Variants in SPATA31E1 observed in about 807,000 individuals in gnomAD.
SPATA31E1 encodes the protein SPATA31 subfamily E member 1, also known as spermatogenesis-associated protein 31E1.
SPATA31E1 carries 7 observed loss-of-function variants against 12.9 expected under a neutral mutation model. The observed-to-expected ratio is 0.54, with a 90% confidence interval of 0.31 to 1.02. SPATA31E1 has a LOEUF of 1.02. SPATA31E1 is among the 50% of genes least tolerant of loss of function. The pLI is 0.05. For missense variants in SPATA31E1, 1,961 were observed against 1,799.8 expected, an observed-to-expected ratio of 1.09 and a Z score of -1.62; for synonymous variants, 771 against 719.0, an observed-to-expected ratio of 1.07 and a Z score of -1.16.
Position 87,887,607 on chromosome 9 carries a change from G to A in SPATA31E1, c.3120G>A (p.Glu1040=). The A allele has an allele frequency of 1.9e-6, 3 of 1,614,190 alleles. No homozygotes were observed. Among genetic ancestry groups the A allele is most frequent in the South Asian group, 1.1e-5 (1 of 91,088 alleles). The part of the protein sequence containing the change: ...EDALQALKVG[E]KPPTWEVTLG... ...CCCTGCAGGCACTGAAAGTGGGGGA[G>A]AAGCCCCCAACTTGGGAAGTCACCT... The change falls in exon 4 of 4, where the codon GAG becomes GAA. Residue 1040 remains glutamate (E), a synonymous_variant. Coordinates refer to ENST00000325643, the MANE Select transcript of SPATA31E1 (RefSeq NM_178828.5).
rs767312434 is a variant in SPATA31E1 at position 87,885,049 on chromosome 9, A to G, written c.562A>G (p.Ser188Gly). Residue 188 changes from serine (S) to glycine (G), a missense_variant, in exon 4 of 4, where the codon AGC (serine) becomes GGC (glycine). Physicochemically the swap from Ser to Gly is moderately conservative, Grantham distance 56 (BLOSUM62 0). Coordinates refer to ENST00000325643, the MANE Select transcript of SPATA31E1 (RefSeq NM_178828.5). ...ATGCATGCAAGATCCGTCTCCTGCC[A>G]GCTTGTCCCCACCAGCTCCCCCAGC... Reference protein sequence around the residue: ...GKCMQDPSPASLSPPAPPAPL... With the variant: ...GKCMQDPSPAGLSPPAPPAPL... The G allele has an allele frequency of 1.2e-6, 2 of 1,614,134 alleles. No individual in the cohort carries two copies. The highest frequency in any genetic ancestry group is 1.7e-6 in the Non-Finnish European group (2 of 1,179,994).
rs1828282157 is a variant in SPATA31E1 at position 87,886,704 on chromosome 9, CT to C, written c.2219del (p.Leu740TyrfsTer10). The C allele has an allele frequency of 6.2e-7, 1 of 1,613,814 alleles. No homozygotes were observed. The highest frequency in any genetic ancestry group is 1.3e-5 in the African/African-American group (1 of 74,906). On this transcript the variant is annotated frameshift_variant, in exon 4 of 4. Transcript: ENST00000325643. LOFTEE classifies it low-confidence loss of function (END_TRUNC). ...LDEDKEAEGD[L>X]RRSWKYQSVS... is the part of the protein sequence containing the mutation. Reference sequence around the variant, plus strand: ...ACGAAGACAAGGAGGCAGAAGGTGACTTACGGAGGTCCTGGAAGTACCAATC... The same window carrying C: ...ACGAAGACAAGGAGGCAGAAGGTGACTACGGAGGTCCTGGAAGTACCAATC...
Position 87,887,710 on chromosome 9 carries a change from A to G in SPATA31E1, c.3223A>G (p.Asn1075Asp). Residue 1075 changes from asparagine (N) to aspartate (D), a missense_variant, in exon 4 of 4, where the codon AAC becomes GAC. Coordinates refer to ENST00000325643, the MANE Select transcript of SPATA31E1 (RefSeq NM_178828.5). The part of the protein sequence containing the change: ...RSTGALGTTG[N>D]PSASSVCVAQ... The stretch of plus-strand genomic sequence containing the variant: ...CACAGGGGCTCTGGGGACCACTGGT[A>G]ACCCCTCAGCGTCTTCAGTCTGTGT... 1 of 1,614,110 alleles carries G rather than the reference A, an allele frequency of 6.2e-7. No individual in the cohort carries two copies. The highest frequency in any genetic ancestry group is 8.5e-7 in the Non-Finnish European group (1 of 1,180,026).
At position 87,886,489 on chromosome 9, in the gene SPATA31E1, G is replaced by A; in HGVS notation, c.2002G>A (p.Ala668Thr). Residue 668 changes from alanine to threonine, a missense_variant, in exon 4 of 4, where the codon GCA becomes ACA. Transcript: ENST00000325643. ...GEFPGRPQSQ[A>T]EDTQQALLPS... Reference sequence around the variant, plus strand: ...ATTCCCAGGGAGGCCCCAGAGTCAGGCAGAAGACACGCAGCAGGCCCTCTT... The same window carrying A: ...ATTCCCAGGGAGGCCCCAGAGTCAGACAGAAGACACGCAGCAGGCCCTCTT... 2 of 1,613,942 alleles carry A rather than the reference G, an allele frequency of 1.2e-6. No individual in the cohort carries two copies.
At position 87,888,730 on chromosome 9, in the gene SPATA31E1, C is replaced by T; in HGVS notation, c.4243C>T (p.Pro1415Ser). Reference protein sequence around the residue: ...PPREPVSPAGPHHHRPRMAST... With the variant: ...PPREPVSPAGSHHHRPRMAST... ...CAGGGAGCCTGTGTCCCCAGCTGGT[C>T]CCCACCACCACAGGCCAAGAATGGC... The change falls in exon 4 of 4, where the codon CCC becomes TCC. Residue 1415 changes from proline (P) to serine (S), a missense_variant. Transcript: ENST00000325643. 1 of 1,613,834 alleles carries T rather than the reference C, an allele frequency of 6.2e-7. No individual in the cohort carries two copies. Among genetic ancestry groups the T allele is most frequent in the Non-Finnish European group, 8.5e-7 (1 of 1,179,996 alleles).
chr9:87,886,795 G>C lies in SPATA31E1; in HGVS notation c.2308G>C (p.Ala770Pro), dbSNP rs566530638. 2 of 1,614,002 alleles carry C rather than the reference G, an allele frequency of 1.2e-6. No individual in the cohort carries two copies. The highest frequency in any genetic ancestry group is 8.5e-7 in the Non-Finnish European group (1 of 1,180,048). Residue 770 changes from alanine to proline, a missense_variant, in exon 4 of 4, where the codon GCC (alanine) becomes CCC (proline). Physicochemically the swap from Ala to Pro is conservative, Grantham distance 27 (BLOSUM62 -1). Transcript: ENST00000325643. ...HLENKLQIHL[A>P]RKVGEIKEGW... ...GGAAAACAAGCTGCAAATCCATCTG[G>C]CCAGGAAGGTAGGGGAGATCAAAGA...
rs1288043460 is a variant in SPATA31E1 at position 87,886,557 on chromosome 9, T to C, written c.2070T>C (p.Asp690=). The change falls in exon 4 of 4, where the codon GAT becomes GAC. Residue 690 remains aspartate (D), a synonymous_variant. Coordinates refer to ENST00000325643, the MANE Select transcript of SPATA31E1 (RefSeq NM_178828.5). ...PSDFAGKGRK[D]VQKTGFRSSG... is the part of the protein sequence containing the mutation. Reference sequence around the variant, plus strand: ...ACTTTGCAGGGAAGGGCAGGAAGGATGTGCAGAAGACCGGGTTCAGGAGCT... The same window carrying C: ...ACTTTGCAGGGAAGGGCAGGAAGGACGTGCAGAAGACCGGGTTCAGGAGCT... 1 of 1,613,982 alleles carries C rather than the reference T, an allele frequency of 6.2e-7. No individual in the cohort carries two copies. Among genetic ancestry groups the C allele is most frequent in the Non-Finnish European group, 8.5e-7 (1 of 1,180,000 alleles).
At position 87,885,660 on chromosome 9, in the gene SPATA31E1, G is replaced by A. The variant is rs781138546; in HGVS notation, c.1173G>A (p.Met391Ile). 6.2e-7 allele frequency: 1 copy of A among 1,613,744 alleles called. No homozygotes were observed. The highest frequency in any genetic ancestry group is 1.3e-5 in the African/African-American group (1 of 74,910). The change falls in exon 4 of 4, where the codon ATG (methionine) becomes ATA (isoleucine). Residue 391 changes from methionine to isoleucine, a missense_variant. Physicochemically the swap from Met to Ile is conservative, Grantham distance 10. Transcript: ENST00000325643. Reference protein sequence around the residue: ...KERKRADHPHMTSLGKEWDIT... With the variant: ...KERKRADHPHITSLGKEWDIT... ...GAAAACGGGCCGACCACCCGCACAT[G>A]ACATCACTGGGGAAGGAGTGGGACA...
intron 1 of SPATA31E1, 59 bp downstream of exon 1, chr9:87,883,259 A>G: frequency 6.6e-7 from 1 of 1,506,870 alleles, no homozygotes; most frequent in East Asian, 2.4e-5. Flanking sequence ...TCCTCCCCTC[A>G]TTTCCACTTT....
At position 87,886,746 on chromosome 9, in the gene SPATA31E1, C is replaced by G; in HGVS notation, c.2259C>G (p.Pro753=). The G allele has an allele frequency of 6.2e-7, 1 of 1,614,004 alleles. No individual in the cohort carries two copies. ...SWKYQSVSST[P]RDPDKEHLEN... The stretch of plus-strand genomic sequence containing the variant: ...AGTACCAATCAGTAAGTTCCACACC[C>G]AGGGACCCAGACAAGGAGCATCTGG... The change falls in exon 4 of 4, where the codon CCC becomes CCG. Residue 753 remains proline, a synonymous_variant. Coordinates refer to ENST00000325643, the MANE Select transcript of SPATA31E1 (RefSeq NM_178828.5).
In SPATA31E1 at chr9:87,888,661, A is replaced by C. The variant is rs1467519594; in HGVS notation, c.4174A>C (p.Asn1392His). 1 of 1,614,060 alleles carries C rather than the reference A, an allele frequency of 6.2e-7. No individual in the cohort carries two copies. The highest frequency in any genetic ancestry group is 8.5e-7 in the Non-Finnish European group (1 of 1,180,006). The change falls in exon 4 of 4, where the codon AAC (asparagine) becomes CAC (histidine). Residue 1392 changes from asparagine (N) to histidine (H), a missense_variant. Coordinates refer to ENST00000325643, the MANE Select transcript of SPATA31E1 (RefSeq NM_178828.5). Reference protein sequence around the residue: ...TPKGHHCPVKNRGIRDRDSSW... With the variant: ...TPKGHHCPVKHRGIRDRDSSW... ...CAAGGGCCACCACTGTCCTGTCAAAAACAGGGGCATCAGAGACAGAGACAG... is the reference window on the plus strand; with the variant it reads ...CAAGGGCCACCACTGTCCTGTCAAACACAGGGGCATCAGAGACAGAGACAG...
Position 87,887,245 on chromosome 9 carries a change from C to T in SPATA31E1, c.2758C>T (p.Leu920Phe). ...SKSVPTVSGP[L>F]AAPPPEQEGV... is the part of the protein sequence containing the mutation. ...GTCAGTCCCGACCGTGAGTGGCCCTCTCGCTGCCCCACCGCCTGAGCAGGA... is the reference window on the plus strand; with the variant it reads ...GTCAGTCCCGACCGTGAGTGGCCCTTTCGCTGCCCCACCGCCTGAGCAGGA... Residue 920 changes from leucine (L) to phenylalanine (F), a missense_variant, in exon 4 of 4, where the codon CTC becomes TTC. Leu to Phe is a conservative substitution (Grantham distance 22, BLOSUM62 0). Coordinates refer to ENST00000325643, the MANE Select transcript of SPATA31E1 (RefSeq NM_178828.5). The T allele has an allele frequency of 6.2e-7, 1 of 1,613,988 alleles. No homozygotes were observed. Among genetic ancestry groups the T allele is most frequent in the Non-Finnish European group, 8.5e-7 (1 of 1,180,010 alleles).
In SPATA31E1 at chr9:87,887,560, C is replaced by T. The variant is rs1292855743; in HGVS notation, c.3073C>T (p.Gln1025Ter). The T allele has an allele frequency of 6.2e-7, 1 of 1,614,138 alleles. No individual in the cohort carries two copies. The highest frequency in any genetic ancestry group is 8.5e-7 in the Non-Finnish European group (1 of 1,180,038). The change falls in exon 4 of 4, where the codon CAG becomes TAG. Residue 1025 changes from glutamine (Q) to a stop codon, truncating the protein, a stop_gained. Transcript: ENST00000325643. LOFTEE classifies it low-confidence loss of function (END_TRUNC). ...RALQVLSIGS[Q>*]WARAEDALQA... Reference sequence around the variant, plus strand: ...CCTGCAAGTGCTCAGCATAGGGTCCCAGTGGGCAAGGGCTGAAGATGCCCT... The same window carrying T: ...CCTGCAAGTGCTCAGCATAGGGTCCTAGTGGGCAAGGGCTGAAGATGCCCT...
chr9:87,885,845 CCA>C lies in SPATA31E1; in HGVS notation c.1361_1362del (p.Thr454SerfsTer5), dbSNP rs753651237. The stretch of plus-strand genomic sequence containing the variant: ...TCTCTCAATAGCGAGTCCCTGGCGA[CCA>C]CAGTCTGGGTTTCTAGGAACCCTTC... On this transcript the variant is annotated frameshift_variant, in exon 4 of 4. Transcript: ENST00000325643. LOFTEE classifies it low-confidence loss of function (END_TRUNC). The C allele has an allele frequency of 1.2e-5, 19 of 1,613,846 alleles. No homozygotes were observed. The East Asian group carries it at 1.6e-4, about 13-fold the overall frequency.
rs1362659008 is a variant in SPATA31E1, at chr9:87,887,726, C to T, written c.3239C>T (p.Ser1080Leu). The change falls in exon 4 of 4, where the codon TCA (serine) becomes TTA (leucine). Residue 1080 changes from serine to leucine, a missense_variant. By Grantham distance (145) the Ser-to-Leu change is moderately radical. Transcript: ENST00000325643. ...ACCACTGGTAACCCCTCAGCGTCTTCAGTCTGTGTTGCTCAGGATCCAGAG... is the reference window on the plus strand; with the variant it reads ...ACCACTGGTAACCCCTCAGCGTCTTTAGTCTGTGTTGCTCAGGATCCAGAG... ...LGTTGNPSAS[S>L]VCVAQDPEQL... 3 of 1,613,998 alleles carry T rather than the reference C, an allele frequency of 1.9e-6. No homozygotes were observed. In the Admixed American group the frequency reaches 5.0e-5, roughly 27 times the overall value.
Position 87,887,308 on chromosome 9 carries a change from G to C in SPATA31E1, c.2821G>C (p.Asp941His). ...GCCCCCGAGAGGGTCCCAGTCAGCTGATACCCATGGGCGATCAGAGGCCTT... is the reference window on the plus strand; with the variant it reads ...GCCCCCGAGAGGGTCCCAGTCAGCTCATACCCATGGGCGATCAGAGGCCTT... ...QRPPRGSQSADTHGRSEAFPT... is the reference protein window; with the variant it reads ...QRPPRGSQSAHTHGRSEAFPT... The change falls in exon 4 of 4, where the codon GAT becomes CAT. Residue 941 changes from aspartate (D) to histidine (H), a missense_variant. By Grantham distance (81) the Asp-to-His change is moderately conservative. Coordinates refer to ENST00000325643, the MANE Select transcript of SPATA31E1 (RefSeq NM_178828.5). 1 of 1,613,800 alleles carries C rather than the reference G, an allele frequency of 6.2e-7. No homozygotes were observed. Among genetic ancestry groups the C allele is most frequent in the Non-Finnish European group, 8.5e-7 (1 of 1,179,996 alleles).
rs758221094 is a variant in SPATA31E1 at position 87,888,484 on chromosome 9, C to T, written c.3997C>T (p.Leu1333Phe). ...VGQILVDKLG[L>F]QWGRGPSEVN... Reference sequence around the variant, plus strand: ...ACAAATCCTGGTGGACAAACTGGGGCTTCAGTGGGGACGAGGTCCCTCAGA... The same window carrying T: ...ACAAATCCTGGTGGACAAACTGGGGTTTCAGTGGGGACGAGGTCCCTCAGA... The change falls in exon 4 of 4, where the codon CTT becomes TTT. Residue 1333 changes from leucine to phenylalanine, a missense_variant. Physicochemically the swap from Leu to Phe is conservative, Grantham distance 22. Coordinates refer to ENST00000325643, the MANE Select transcript of SPATA31E1 (RefSeq NM_178828.5). 1 of 1,614,046 alleles carries T rather than the reference C, an allele frequency of 6.2e-7. No individual in the cohort carries two copies. The highest frequency in any genetic ancestry group is 8.5e-7 in the Non-Finnish European group (1 of 1,180,038).
Position 87,887,441 on chromosome 9 carries a change from G to C in SPATA31E1, c.2954G>C (p.Arg985Thr), listed in dbSNP as rs752095729. The change falls in exon 4 of 4, where the codon AGA becomes ACA. Residue 985 changes from arginine to threonine, a missense_variant. By Grantham distance (71) the Arg-to-Thr change is moderately conservative (BLOSUM62 -1). Coordinates refer to ENST00000325643, the MANE Select transcript of SPATA31E1 (RefSeq NM_178828.5). ...CTGGAATCCGGGAAACCCAAACCCAGACTAGAGGGGAGTATGGGTTCAGAA... is the reference window on the plus strand; with the variant it reads ...CTGGAATCCGGGAAACCCAAACCCACACTAGAGGGGAGTATGGGTTCAGAA... The part of the protein sequence containing the change: ...TVLESGKPKP[R>T]LEGSMGSEMA... 16 of 1,613,878 alleles carry C rather than the reference G, an allele frequency of 9.9e-6. No homozygotes were observed. Among genetic ancestry groups the C allele is most frequent in the Non-Finnish European group, 1.4e-5 (16 of 1,180,042 alleles).
Position 87,887,370 on chromosome 9 carries a change from C to G in SPATA31E1, c.2883C>G (p.Pro961=), listed in dbSNP as rs532153652. 6.2e-7 allele frequency: 1 copy of G among 1,613,694 alleles called. No individual in the cohort carries two copies. The highest frequency in any genetic ancestry group is 1.3e-5 in the African/African-American group (1 of 74,906). The part of the protein sequence containing the change: ...TGHKGRGCSQ[P]PTCSLVGRTW... ...ACAAGGGCAGGGGGTGTTCTCAGCC[C>G]CCAACATGCAGCCTTGTGGGCAGAA... is the stretch of plus-strand genomic sequence containing the variant. The change falls in exon 4 of 4, where the codon CCC becomes CCG. Residue 961 remains proline (P), a synonymous_variant. Transcript: ENST00000325643.
Sources: gnomAD v4.1 joint callset for allele counts on GRCh38, gnomAD v4.1.1 for gene constraint, MANE v1.5 for transcripts, NCBI Gene and HGNC (gene_info 2026-07-23, HGNC 2026-07-21) for gene names.